The following LMX1B variants were observed in gnomAD, a reference collection of about 807,000 sequenced individuals.
LMX1B encodes LIM homeobox transcription factor 1 beta, also known as LIM homeobox transcription factor 1-beta.
LMX1B carries 12 observed loss-of-function variants against 51.4 expected under a neutral mutation model. The ratio of observed to expected loss-of-function variants is 0.23; its 90% confidence interval spans 0.15 to 0.38. LMX1B has a LOEUF of 0.38. LMX1B is among the 10% of genes least tolerant of loss of function. The probability of loss-of-function intolerance (pLI) is 1.00; values close to 1 mark genes in which losing one functional copy is unlikely to be tolerated. For synonymous variants in LMX1B, 237 were observed against 235.4 expected (o/e 1.01, Z -0.06); for missense variants, 445 against 571.1 (o/e 0.78, Z 2.25).
At chr9:126,690,783 C>A (rs1220903549) in intron 2 of LMX1B, 53 bp from the exon 3 acceptor site, 10 of 1,507,502 alleles carry the variant, frequency 6.6e-6, no homozygotes, top group Non-Finnish European at 6.3e-6. Flanking sequence ...CAGGAGTGGC[C>A]TCTGGGAGGG....
intron 2 of LMX1B, among the ~76,000 whole-genome samples, chr9:126,629,231 C>T (rs980548584): frequency 6.6e-6 from 1 of 152,132 alleles, no homozygotes; most frequent in Non-Finnish European, 1.5e-5. Context: ...CCTAACACTT[C>T]CCAAGTTTGT....
chr9:126,625,671 C>T lies in LMX1B; in HGVS notation c.326+10102C>T, dbSNP rs1198774613. Among the ~76,000 whole-genome samples the T allele has an allele frequency of 2.6e-5, 4 of 152,244 alleles. No homozygotes were observed. The highest frequency in any genetic ancestry group is 5.9e-5 in the Non-Finnish European group (4 of 68,042). ...GTTCCACCCCCACGGAAACCCTCTT[C>T]TCCGCCAGGCCCGTGGCGCCTTTCT... is the stretch of plus-strand genomic sequence containing the variant. On this transcript the variant is annotated intron_variant, in intron 2 of 7. Coordinates refer to ENST00000373474, the MANE Select transcript of LMX1B (RefSeq NM_001174147.2). The surrounding 1 kb of genome is among the most constrained non-coding windows in gnomAD (Gnocchi z 5.3).
chr9:126,687,556 AT>A (rs1249388947), intron 2 of LMX1B, among the ~76,000 whole-genome samples: 1 of 152,168 alleles, frequency 6.6e-6, no homozygotes, highest in Non-Finnish European at 1.5e-5. Context: ...TAGATGAAGA[AT>A]TTGAGGTTCA....
In LMX1B at chr9:126,690,816, C is replaced by A; in HGVS notation, c.327-20C>A. On this transcript the variant is annotated intron_variant, in intron 2 of 7. Coordinates refer to ENST00000373474, the MANE Select transcript of LMX1B (RefSeq NM_001174147.2). The stretch of plus-strand genomic sequence containing the variant: ...GGGACTTCTGAGCACCGCCAACACG[C>A]CCGCTTTGTGCATCCGCAGGCTCTT... 1 of 1,589,274 alleles carries A rather than the reference C, an allele frequency of 6.3e-7. No homozygotes were observed. The highest frequency in any genetic ancestry group is 8.5e-7 in the Non-Finnish European group (1 of 1,171,036).
chr9:126,614,625 C>A, intron 1 of LMX1B, 37 bp downstream of exon 1: 1 of 1,495,628 alleles, frequency 6.7e-7, no homozygotes, highest in South Asian at 1.3e-5. Flanking sequence ...TGGTCTCGGG[C>A]GTGGGATGGG....
At chr9:126,694,930 C>A (rs1003660052) in intron 6 of LMX1B, among the ~76,000 whole-genome samples, 1 of 152,220 alleles carries the variant, frequency 6.6e-6, no homozygotes, top group Non-Finnish European at 1.5e-5. Flanking sequence ...ATCCTGCCCA[C>A]ACGCACATGG....
intron 2 of LMX1B, among the ~76,000 whole-genome samples, chr9:126,687,431 T>C (rs201321410): frequency 2.0e-5 from 3 of 152,248 alleles, no homozygotes; most frequent in Non-Finnish European, 4.4e-5. Flanking sequence ...GGTTTCACCA[T>C]GTTGGCCAGG....
chr9:126,647,527 G>A (rs770914489), intron 2 of LMX1B, among the ~76,000 whole-genome samples: 2 of 152,184 alleles, frequency 1.3e-5, no homozygotes, highest in Non-Finnish European at 2.9e-5. Context: ...CCCTGATGAT[G>A]GACAGTGGGG....
At chr9:126,681,590 C>G (rs1490487537) in intron 2 of LMX1B, among the ~76,000 whole-genome samples, 1 of 152,052 alleles carries the variant, frequency 6.6e-6, no homozygotes, top group East Asian at 1.9e-4. Flanking sequence ...CTACAGGTGC[C>G]TAAGGAACCT....
intron 2 of LMX1B, among the ~76,000 whole-genome samples, chr9:126,689,304 A>C (rs1462378721): frequency 6.6e-6 from 1 of 152,144 alleles, no homozygotes; most frequent in Non-Finnish European, 1.5e-5. Flanking sequence ...GGCGGTTCTG[A>C]CGGCAGCTCC....
intron 2 of LMX1B, among the ~76,000 whole-genome samples, chr9:126,640,268 G>A (rs547867539): frequency 6.6e-6 from 1 of 152,244 alleles, no homozygotes; most frequent in South Asian, 2.1e-4. Context: ...TGGTACCAAG[G>A]TTCAGTCAGA....
intron 2 of LMX1B, among the ~76,000 whole-genome samples, chr9:126,674,713 C>A (rs1251468593): frequency 6.6e-6 from 1 of 152,184 alleles, no homozygotes; most frequent in East Asian, 1.9e-4. Flanking sequence ...TCCCATTCAA[C>A]CCCAAAGCCC....
intron 2 of LMX1B, among the ~76,000 whole-genome samples, chr9:126,662,744 G>T (rs1288710827): frequency 6.6e-6 from 1 of 152,220 alleles, no homozygotes. Context: ...AGCCAGGCCA[G>T]GCCCACGAGA....
Position 126,618,558 on chromosome 9 carries a change from G to A in LMX1B, c.326+2989G>A, listed in dbSNP as rs1177733535. 1.3e-5 allele frequency among the ~76,000 whole-genome samples: 2 copies of A among 152,158 alleles called. No homozygotes were observed. The highest frequency in any genetic ancestry group is 2.1e-4 in the South Asian group (1 of 4,830). On this transcript the variant is annotated intron_variant, in intron 2 of 7. Transcript: ENST00000373474. This position sits in a 1 kb window ranked among gnomAD's most constrained non-coding sequence, Gnocchi z 4.5. Reference sequence around the variant, plus strand: ...AAAAAAAGAAAAAGCAGCCTTTTCGGACAGAAAACCAGTTAGGAAACGGAG... The same window carrying A: ...AAAAAAAGAAAAAGCAGCCTTTTCGAACAGAAAACCAGTTAGGAAACGGAG...
In LMX1B at chr9:126,641,907, A is replaced by G. The variant is rs1467538499; in HGVS notation, c.326+26338A>G. ...CAGAGCACTTCACCCACGTTCTCTC[A>G]GAACTCTGTGAGATAGGGACCAGCT... On this transcript the variant is annotated intron_variant, in intron 2 of 7. Transcript: ENST00000373474. The surrounding 1 kb of genome is among the most constrained non-coding windows in gnomAD (Gnocchi z 4.1). Among the ~76,000 whole-genome samples, 2 of 152,194 alleles carry G rather than the reference A, an allele frequency of 1.3e-5. No individual in the cohort carries two copies. The highest frequency in any genetic ancestry group is 4.8e-5 in the African/African-American group (2 of 41,450).
chr9:126,696,126 C>T lies in LMX1B; in HGVS notation c.1051+123C>T, dbSNP rs1225484360. ...GGCTCAGGCAGCATGGCCAGCACAG[C>T]CCTCCTGCCCCTGCTGACAGGAAGG... On this transcript the variant is annotated intron_variant, in intron 7 of 7. Transcript: ENST00000373474. The T allele has an allele frequency of 5.2e-6, 6 of 1,156,716 alleles. No individual in the cohort carries two copies. In the Admixed American group the frequency reaches 9.6e-5, roughly 19 times the overall value. 71.7% of individuals were successfully genotyped at this position (1,156,716 alleles called of 1,614,324 possible).
rs1449810233 is a variant in LMX1B at position 126,673,001 on chromosome 9, GC to G, written c.327-17834del. Among the ~76,000 whole-genome samples the G allele has an allele frequency of 2.0e-5, 3 of 152,262 alleles. No individual in the cohort carries two copies. Among genetic ancestry groups the G allele is most frequent in the African/African-American group, 7.2e-5 (3 of 41,466 alleles). On this transcript the variant is annotated intron_variant, in intron 2 of 7. Coordinates refer to ENST00000373474, the MANE Select transcript of LMX1B (RefSeq NM_001174147.2). This position sits in a 1 kb window ranked among gnomAD's most constrained non-coding sequence, Gnocchi z 4.4. ...CCTGTGGACTCCTCGCCCACACAAA[GC>G]AAGAGGCTCTTTTCGGCTTTTGCCC...
chr9:126,663,466 G>A (rs59427698), intron 2 of LMX1B, among the ~76,000 whole-genome samples: 25,626 of 151,708 alleles, frequency 0.17, 2,552 homozygotes, highest in Non-Finnish European at 0.24. Flanking sequence ...TGAGAGCAGA[G>A]GGACTTGGGT....
At chr9:126,622,710 G>A (rs577333586) in intron 2 of LMX1B, among the ~76,000 whole-genome samples, 1 of 152,338 alleles carries the variant, frequency 6.6e-6, no homozygotes, top group African/African-American at 2.4e-5. Context: ...GGACTGAGCT[G>A]CCCAGGCCTT....
Sources: allele counts gnomAD v4.1 joint callset (sites outside exome capture counted in the v4.1 genomes callset), GRCh38; gene constraint gnomAD v4.1.1; non-coding constraint Gnocchi (gnomAD v3.1); transcripts MANE v1.5; gene names NCBI Gene and HGNC (gene_info 2026-07-23, HGNC 2026-07-21).